STARD13: variants seen among roughly 807,000 people sequenced by gnomAD.
STARD13 encodes the protein StAR related lipid transfer domain containing 13, also known as stAR-related lipid transfer protein 13.
A neutral mutation model predicts 106.4 loss-of-function variants in STARD13; 62 were observed. The observed-to-expected ratio is 0.58, with a 90% CI of 0.48 to 0.72. STARD13 has a LOEUF of 0.72. STARD13 is among the 30% of genes least tolerant of loss of function. The pLI, the probability that STARD13 is intolerant of heterozygous loss-of-function variation, is 0.00. For missense variants in STARD13, 1,387 were observed against 1,424.0 expected (o/e 0.97, Z 0.42); for synonymous variants, 565 against 553.0 (o/e 1.02, Z -0.31).
chr13:33,597,757 G>A, the STARD13 span, among the ~76,000 whole-genome samples: 5 of 151,914 alleles, frequency 3.3e-5, no homozygotes, highest in African/African-American at 1.2e-4. Flanking sequence ...GGGAGGCAGA[G>A]GCAGGAGAAT....
the STARD13 span, among the ~76,000 whole-genome samples, chr13:33,482,752 C>T: frequency 6.6e-6 from 1 of 152,122 alleles, no homozygotes; most frequent in African/African-American, 2.4e-5. Flanking sequence ...ATGTTTTTAA[C>T]TGTTCTTTTG....
chr13:33,118,310 TGAG>T (rs749428818), intron 7 of STARD13, 47 bp from the exon 8 acceptor site: 118 of 1,540,570 alleles, frequency 7.7e-5, no homozygotes, highest in Non-Finnish European at 1.0e-4. Flanking sequence ...CACTTGGTTG[TGAG>T]GAGGAGGAGG....
At chr13:33,203,929 T>A (rs1366151494) in intron 1 of STARD13, among the ~76,000 whole-genome samples, 2 of 152,240 alleles carry the variant, frequency 1.3e-5, no homozygotes, top group Non-Finnish European at 2.9e-5. Context: ...ACATTTGAAA[T>A]ATCTCTGGGA....
intron 1 of STARD13, among the ~76,000 whole-genome samples, chr13:33,324,355 C>CATA (rs1290101116): frequency 7.9e-5 from 12 of 152,166 alleles, no homozygotes; most frequent in Admixed American, 7.2e-4. Flanking sequence ...TCAAGTCCTA[C>CATA]ATAACAAAAG....
At position 33,330,592 on chromosome 13, in the gene STARD13, G is replaced by A. The variant is rs189427356; in HGVS notation, c.124+19698C>T. Among the ~76,000 whole-genome samples, 91 of 152,230 alleles carry A rather than the reference G, an allele frequency of 6.0e-4. 1 individual carries two copies. The highest frequency in any genetic ancestry group is 7.1e-4 in the Non-Finnish European group (48 of 68,012). On this transcript the variant is annotated intron_variant, in intron 1 of 5. Transcript: ENST00000567873. ...TGAACAAATAAATATAGCCTTTTAC[G>A]TCCATTTCAGATTTCTTTTCAAGAG...
At chr13:33,353,039 C>T (rs1333741238), upstream of STARD13, among the ~76,000 whole-genome samples, 3 of 152,208 alleles carry the variant, frequency 2.0e-5, no homozygotes, top group Non-Finnish European at 4.4e-5. Context: ...GACCACGTCC[C>T]TCACCTGTGT....
intron 3 of STARD13, among the ~76,000 whole-genome samples, chr13:33,162,565 T>C (rs943040508): frequency 2.6e-5 from 4 of 152,226 alleles, no homozygotes; most frequent in Admixed American, 1.3e-4. Flanking sequence ...ACCTCTTGAA[T>C]GCTCTGTTTG....
At chr13:33,590,759 G>T in the STARD13 span, among the ~76,000 whole-genome samples, 1 of 151,532 alleles carries the variant, frequency 6.6e-6, no homozygotes, top group African/African-American at 2.4e-5. Flanking sequence ...TAATGTAAAT[G>T]ACCAGTTAAT....
intron 1 of STARD13, chr13:33,185,793 TGC>T: frequency 1.5e-6 from 2 of 1,359,276 alleles, no homozygotes; most frequent in Non-Finnish European, 2.1e-6. Flanking sequence ...ACCTGACCAC[TGC>T]CACTGAGGCC....
intron 1 of STARD13, among the ~76,000 whole-genome samples, chr13:33,330,552 C>T (rs764250394): frequency 1.1e-4 from 17 of 152,120 alleles, no homozygotes; most frequent in Non-Finnish European, 2.2e-4. Context: ...TAAAGCAGGT[C>T]ATCAAGAAAT....
intron 7 of STARD13, among the ~76,000 whole-genome samples, chr13:33,119,526 T>C (rs1450423136): frequency 6.6e-6 from 1 of 152,198 alleles, no homozygotes; most frequent in African/African-American, 2.4e-5. Flanking sequence ...CTGCAACAAA[T>C]GGAGAGCAGT....
At chr13:33,439,038 G>A in the STARD13 span, among the ~76,000 whole-genome samples, 1 of 152,168 alleles carries the variant, frequency 6.6e-6, no homozygotes, top group Admixed American at 6.5e-5. Flanking sequence ...CTTTGAAGGG[G>A]TTCCTTTCTA....
the STARD13 span, among the ~76,000 whole-genome samples, chr13:33,616,516 CATCCATGT>C: frequency 6.6e-6 from 1 of 152,192 alleles, no homozygotes; most frequent in South Asian, 2.1e-4. Context: ...TCCTTCTACC[CATCCATGT>C]ATTCAGTCAC....
intron 8 of STARD13, chr13:33,113,175 A>G: frequency 1.9e-6 from 1 of 518,278 alleles, no homozygotes. Context: ...CTCGATGGCC[A>G]AGCAGGGTTT....
upstream of STARD13, among the ~76,000 whole-genome samples, chr13:33,354,598 A>G (rs1257856247): frequency 1.3e-5 from 2 of 152,228 alleles, no homozygotes; most frequent in African/African-American, 4.8e-5. Flanking sequence ...TGAACAGCAC[A>G]TAGTAGGAGT....
chr13:33,612,522 CT>C, the STARD13 span, among the ~76,000 whole-genome samples: 3 of 152,126 alleles, frequency 2.0e-5, no homozygotes, highest in African/African-American at 7.2e-5. Context: ...TACTCCCTGC[CT>C]CATCCACACC....
At chr13:33,670,916 G>C in the STARD13 span, among the ~76,000 whole-genome samples, 1 of 152,104 alleles carries the variant, frequency 6.6e-6, no homozygotes, top group Non-Finnish European at 1.5e-5. Flanking sequence ...GCATTTCCTT[G>C]AACTATTGTT....
intron 1 of STARD13, among the ~76,000 whole-genome samples, chr13:33,207,284 T>C (rs1368355367): frequency 2.0e-5 from 3 of 152,190 alleles, no homozygotes; most frequent in African/African-American, 7.2e-5. Flanking sequence ...AAAAGTTTGA[T>C]ACCTTAGTTC....
the STARD13 span, among the ~76,000 whole-genome samples, chr13:33,599,963 C>A: frequency 6.6e-6 from 1 of 152,124 alleles, no homozygotes; most frequent in Non-Finnish European, 1.5e-5. Context: ...GGAAAACGCC[C>A]CTTTATACCA....
Sources: gnomAD v4.1 joint callset for allele counts (sites outside exome capture counted in the v4.1 genomes callset) on GRCh38, gnomAD v4.1.1 for gene constraint, MANE v1.5 for transcripts, NCBI Gene and HGNC (gene_info 2026-07-23, HGNC 2026-07-21) for gene names.